The following MCC variants were observed in gnomAD, a reference collection of about 807,000 sequenced individuals.
MCC encodes the protein colorectal mutant cancer protein.
A neutral mutation model predicts 116.2 loss-of-function variants in MCC; 90 were observed. The observed-to-expected ratio is 0.77, with a 90% CI of 0.65 to 0.92. MCC has a LOEUF of 0.92. Among genes scored for constraint, MCC ranks in the 40% least tolerant of loss-of-function variants. The pLI, the probability that MCC is intolerant of heterozygous loss-of-function variation, is 0.00. For missense variants in MCC, 1,516 were observed against 1,312.2 expected (o/e 1.16, Z -2.40); for synonymous variants, 578 against 510.5 (o/e 1.13, Z -1.78).
At chr5:113,076,192 C>G (rs1174761459) in intron 11 of MCC, among the ~76,000 whole-genome samples, 1 of 152,170 alleles carries the variant, frequency 6.6e-6, no homozygotes, top group Non-Finnish European at 1.5e-5. Flanking sequence ...ATTGGTGGAC[C>G]TGAAAGTGAT....
At position 113,381,786 on chromosome 5, in the gene MCC, T is replaced by G. The variant is rs79687640; in HGVS notation, c.415+3182A>C. 4.3e-4 allele frequency among the ~76,000 whole-genome samples: 65 copies of G among 151,960 alleles called. 1 individual carries two copies. In the East Asian group the frequency reaches 0.013, roughly 29 times the overall value. The stretch of plus-strand genomic sequence containing the variant: ...CTGGGTGACAGAGTGAGATCCTGAC[T>G]CAAATAAATAAATAAATAAACCCAT... On this transcript the variant is annotated intron_variant, in intron 2 of 18. Coordinates refer to ENST00000408903, the MANE Select transcript of MCC (RefSeq NM_001085377.2).
At chr5:113,244,637 A>T (rs1368083693) in intron 3 of MCC, among the ~76,000 whole-genome samples, 1 of 152,274 alleles carries the variant, frequency 6.6e-6, no homozygotes, top group Non-Finnish European at 1.5e-5. Flanking sequence ...ATGGAAGGAA[A>T]CAAAATTAGT....
At chr5:113,451,789 GCC>G (rs1771404672) in intron 1 of MCC, among the ~76,000 whole-genome samples, 1 of 152,208 alleles carries the variant, frequency 6.6e-6, no homozygotes, top group African/African-American at 2.4e-5. Context: ...ACTTGCCCAA[GCC>G]ACACACCAAG....
At chr5:113,118,355 ATTT>A (rs1340888188) in intron 6 of MCC, among the ~76,000 whole-genome samples, 1 of 151,882 alleles carries the variant, frequency 6.6e-6, no homozygotes, top group Non-Finnish European at 1.5e-5. Context: ...ATAAGAGGTA[ATTT>A]TTTTAAAAAA....
At chr5:113,468,533 C>A (rs1771980462) in intron 1 of MCC, among the ~76,000 whole-genome samples, 1 of 152,082 alleles carries the variant, frequency 6.6e-6, no homozygotes, top group Admixed American at 6.6e-5. Flanking sequence ...GGATGAAGCC[C>A]ACTTGATCAT....
At chr5:113,438,407 C>T (rs890844478) in intron 1 of MCC, among the ~76,000 whole-genome samples, 4 of 151,954 alleles carry the variant, frequency 2.6e-5, no homozygotes, top group South Asian at 4.2e-4. Context: ...GTGTGACTCT[C>T]GGAAAGTAAC....
intron 3 of MCC, among the ~76,000 whole-genome samples, chr5:113,173,413 ATAT>A (rs1320499966): frequency 6.6e-6 from 1 of 152,216 alleles, no homozygotes; most frequent in Non-Finnish European, 1.5e-5. Context: ...CTAAATGACA[ATAT>A]TATGTTTAAT....
At chr5:113,087,565 C>G (rs558704722) in intron 8 of MCC, among the ~76,000 whole-genome samples, 1 of 152,172 alleles carries the variant, frequency 6.6e-6, no homozygotes, top group Non-Finnish European at 1.5e-5. Context: ...TTCATTTCCT[C>G]AGGGACTGGG....
intron 5 of MCC, among the ~76,000 whole-genome samples, chr5:113,133,658 G>C (rs1758611932): frequency 6.6e-6 from 1 of 152,128 alleles, no homozygotes; most frequent in Admixed American, 6.5e-5. Context: ...GGAATTACTG[G>C]ATCATATGGT....
At chr5:113,192,103 T>C (rs1413036495) in intron 3 of MCC, among the ~76,000 whole-genome samples, 2 of 152,222 alleles carry the variant, frequency 1.3e-5, no homozygotes, top group Non-Finnish European at 1.5e-5. Flanking sequence ...TTTTTGAGCT[T>C]AGATCTCATT....
rs563768387 is a variant in MCC, at chr5:113,023,069, T to TAACA, written c.*4229_*4232dup. On this transcript the variant is annotated 3_prime_UTR_variant, in exon 19 of 19. Coordinates refer to ENST00000408903, the MANE Select transcript of MCC (RefSeq NM_001085377.2). ...ACTTTTTTTCCACTTGTTTATATTT[T>TAACA]AACAGCCACTGAGAGATCAGTGATG... The TAACA allele has an allele frequency of 7.0e-4, 107 of 152,232 alleles. No homozygotes were observed. The highest frequency in any genetic ancestry group is 1.4e-3 in the Non-Finnish European group (94 of 68,036). The allele number at this position is 152,232 out of a possible 1,614,324, so 9.4% of individuals were successfully genotyped here. A position where few individuals can be genotyped will look rare whatever the true frequency, so the allele number is the denominator to read the frequency against.
intron 3 of MCC, among the ~76,000 whole-genome samples, chr5:113,284,607 G>A (rs1766174934): frequency 6.6e-6 from 1 of 152,190 alleles, no homozygotes; most frequent in Non-Finnish European, 1.5e-5. Context: ...TTTGCCACTA[G>A]CAAGCCTTCT....
intron 3 of MCC, among the ~76,000 whole-genome samples, chr5:113,268,795 G>T (rs1765508039): frequency 6.6e-6 from 1 of 152,110 alleles, no homozygotes; most frequent in African/African-American, 2.4e-5. Context: ...GTTTTAACAA[G>T]CATCTAGAAT....
At chr5:113,417,886 T>C (rs1401561051) in intron 1 of MCC, among the ~76,000 whole-genome samples, 1 of 151,428 alleles carries the variant, frequency 6.6e-6, no homozygotes, top group East Asian at 1.9e-4. Context: ...TGAGCTGAGA[T>C]AGTGCTACTG....
intron 16 of MCC, chr5:113,044,462 T>C (rs6897972): frequency 0.98 from 966,149 of 981,856 alleles, 475,365 homozygotes; most frequent in East Asian, 1. Context: ...GTACCATGGC[T>C]GGGGGAAGGC....
chr5:113,193,215 G>C (rs1055821103), intron 3 of MCC, among the ~76,000 whole-genome samples: 1 of 152,042 alleles, frequency 6.6e-6, no homozygotes, highest in African/African-American at 2.4e-5. Flanking sequence ...CTCTTATGAA[G>C]ACCCTTTTGA....
At chr5:113,406,906 G>C (rs937152580) in intron 1 of MCC, among the ~76,000 whole-genome samples, 1 of 152,024 alleles carries the variant, frequency 6.6e-6, no homozygotes, top group Non-Finnish European at 1.5e-5. Context: ...CTGCCTTAAA[G>C]GTTCTACACC....
At chr5:113,347,449 T>G (rs190510989) in intron 2 of MCC, among the ~76,000 whole-genome samples, 1 of 152,252 alleles carries the variant, frequency 6.6e-6, no homozygotes, top group African/African-American at 2.4e-5. Flanking sequence ...TGTATACATA[T>G]GTAACAAACC....
chr5:113,184,454 A>T (rs1279340323), intron 3 of MCC, among the ~76,000 whole-genome samples: 2 of 149,314 alleles, frequency 1.3e-5, no homozygotes, highest in African/African-American at 4.9e-5. Context: ...CCCACATAGC[A>T]ATTTAGTTTC....
Sources: allele counts gnomAD v4.1 joint callset (sites outside exome capture counted in the v4.1 genomes callset), GRCh38; gene constraint gnomAD v4.1.1; transcripts MANE v1.5; gene names NCBI Gene and HGNC (gene_info 2026-07-23, HGNC 2026-07-21).